The following FRMPD4 variants were observed in gnomAD, a reference collection of about 807,000 sequenced individuals.
FRMPD4 encodes FERM and PDZ domain-containing protein 4.
In FRMPD4, 22 loss-of-function variants were observed where a neutral mutation model predicts 94.1. That is an observed-to-expected ratio of 0.23 (90% CI 0.17 to 0.33). The LOEUF is 0.33. FRMPD4 is among the 10% of genes least tolerant of loss of function. The pLI, the probability that FRMPD4 is intolerant of heterozygous loss-of-function variation, is 1.00. For synonymous variants in FRMPD4, 631 were observed against 548.6 expected (o/e 1.15, Z -2.10); for missense variants, 1,111 against 1,339.9 (o/e 0.83, Z 2.67).
At chrX:12,445,127 A>C (rs1445459476) in intron 1 of FRMPD4, among the ~76,000 whole-genome samples, 1 of 111,981 alleles carries the variant, frequency 8.9e-6, no homozygotes, top group East Asian at 2.8e-4. Context: ...TGCAATGGCC[A>C]CTGCATTAGT....
At chrX:12,522,023 T>C (rs1271035497) in intron 2 of FRMPD4, among the ~76,000 whole-genome samples, 4 of 111,046 alleles carry the variant, frequency 3.6e-5, no homozygotes, top group African/African-American at 1.3e-4. Flanking sequence ...ATTATTTGGT[T>C]AAATGTATTT....
intron 8 of FRMPD4, among the ~76,000 whole-genome samples, chrX:12,691,297 T>TGTTTTG (rs879596642): frequency 2.9e-4 from 32 of 110,709 alleles, no homozygotes; most frequent in African/African-American, 1.0e-3. Flanking sequence ...TGTTTTGTTT[T>TGTTTTG]TTTGAGACAG....
intron 3 of FRMPD4, among the ~76,000 whole-genome samples, chrX:12,053,430 G>GAA (rs1216485129): frequency 1.4e-4 from 12 of 83,586 alleles, no homozygotes; most frequent in South Asian, 1.1e-3. Flanking sequence ...AAGAAAGAAA[G>GAA]AGAAAGAAAG....
intron 2 of FRMPD4, among the ~76,000 whole-genome samples, chrX:12,542,882 T>C (rs1397848215): frequency 8.9e-6 from 1 of 111,879 alleles, no homozygotes; most frequent in Non-Finnish European, 1.9e-5. Context: ...TACTGGTATC[T>C]AAACAGAGAT....
At chrX:12,651,047 G>A (rs746072345) in intron 4 of FRMPD4, among the ~76,000 whole-genome samples, 46 of 112,764 alleles carry the variant, frequency 4.1e-4, no homozygotes, top group Non-Finnish European at 6.6e-4. Flanking sequence ...ATCTCTGTGT[G>A]TGCTAAAAAC....
chrX:11,916,145 A>G (rs2054023610), intron 3 of FRMPD4, among the ~76,000 whole-genome samples: 1 of 110,939 alleles, frequency 9.0e-6, no homozygotes, highest in Non-Finnish European at 1.9e-5. Context: ...TATTCCAGGC[A>G]TGTGGAACAG....
chrX:12,619,369 A>G (rs932920619), intron 4 of FRMPD4, among the ~76,000 whole-genome samples: 9 of 111,853 alleles, frequency 8.0e-5, no homozygotes, highest in African/African-American at 2.9e-4. Context: ...TGACATTAAC[A>G]AGGTGGCAAA....
At chrX:11,995,037 A>G (rs1792490620) in intron 3 of FRMPD4, among the ~76,000 whole-genome samples, 1 of 110,101 alleles carries the variant, frequency 9.1e-6, no homozygotes, top group African/African-American at 3.3e-5. Flanking sequence ...TAAGGCTCTA[A>G]AATACTTGCA....
intron 3 of FRMPD4, among the ~76,000 whole-genome samples, chrX:11,948,538 A>G (rs1330539464): frequency 9.0e-6 from 1 of 111,458 alleles, no homozygotes; most frequent in Non-Finnish European, 1.9e-5. Context: ...AGCCCAAGAT[A>G]ACTGAGACAT....
intron 3 of FRMPD4, among the ~76,000 whole-genome samples, chrX:12,019,393 G>GTC (rs201730250): frequency 0.061 from 6,537 of 107,799 alleles, 252 homozygotes; most frequent in East Asian, 0.23. Context: ...TCTAACCAGT[G>GTC]TCTCTCTCTC....
Position 12,012,718 on chromosome X carries a change from T to TC in FRMPD4, c.95+134700_95+134701insC, listed in dbSNP as rs2054587141. ...TGTCTTACTGTAGTAGGAAACATGC[T>TC]GTCTCTTGGGAGAAGAACTATATAA... is the stretch of plus-strand genomic sequence containing the variant. On this transcript the variant is annotated intron_variant, in intron 3 of 18. Coordinates refer to the FRMPD4 transcript ENST00000640291. Among the ~76,000 whole-genome samples, 4 of 112,694 alleles carry TC rather than the reference T, an allele frequency of 3.5e-5. No individual in the cohort carries two copies. In the Admixed American group the frequency reaches 3.8e-4, roughly 11 times the overall value.
intron 1 of FRMPD4, among the ~76,000 whole-genome samples, chrX:12,484,481 C>T (rs16986906): frequency 8.9e-6 from 1 of 112,178 alleles, no homozygotes; most frequent in African/African-American, 3.2e-5. Context: ...TATGGAGCCT[C>T]TTGCAAAATC....
At chrX:12,562,679 G>T (rs1274597813) in intron 2 of FRMPD4, among the ~76,000 whole-genome samples, 6 of 112,774 alleles carry the variant, frequency 5.3e-5, no homozygotes, top group African/African-American at 1.9e-4. Context: ...AACTGCCCTT[G>T]CATGCTGAGA....
In FRMPD4 at chrX:12,175,921, A is replaced by G. The variant is rs2056288811; in HGVS notation, c.41+36909A>G. On this transcript the variant is annotated intron_variant, in intron 1 of 16. Coordinates refer to ENST00000675598, the MANE Select transcript of FRMPD4 (RefSeq NM_001368397.1). ...TCAAACTTAGTTTCACATTGAAACC[A>G]TCTGAGGAGTATTTAAGAATACAGA... 2.7e-5 allele frequency among the ~76,000 whole-genome samples: 3 copies of G among 112,226 alleles called. No individual in the cohort carries two copies. The Admixed American group carries it at 2.8e-4, about 11-fold the overall frequency.
rs569469931 is a variant in FRMPD4 at position 12,320,978 on chromosome X, G to T, written c.42-177702G>T. On this transcript the variant is annotated intron_variant, in intron 1 of 16. Coordinates refer to ENST00000675598, the MANE Select transcript of FRMPD4 (RefSeq NM_001368397.1). ...TTCATGACACTGACCCCAAGGCAAA[G>T]CTAGACTCAGTTATCAAACAAGATT... 2.9e-4 allele frequency among the ~76,000 whole-genome samples: 32 copies of T among 112,264 alleles called. No homozygotes were observed. The South Asian group carries it at 0.01, about 37-fold the overall frequency.
At position 12,716,219 on chromosome X, in the gene FRMPD4, T is replaced by C. The variant is rs764448761; in HGVS notation, c.1760T>C (p.Met587Thr). ...ACGGTGGAGATCACAGACAGCACCA[T>C]GTGTCCAAAAGAGCACCGGCACTTG... Reference protein sequence around the residue: ...QKTVEITDSTMCPKEHRHLYI... With the variant: ...QKTVEITDSTTCPKEHRHLYI... The change falls in exon 15 of 17, where the codon ATG becomes ACG. Residue 587 changes from methionine to threonine, a missense_variant. By Grantham distance (81) the Met-to-Thr change is moderately conservative. Around this residue, in one of 8 missense-constraint regions of FRMPD4, gnomAD observed 192 missense variants for 192.5 expected, o/e 1.00. Coordinates refer to ENST00000675598, the MANE Select transcript of FRMPD4 (RefSeq NM_001368397.1). 11 of 1,207,658 alleles carry C rather than the reference T, an allele frequency of 9.1e-6. No homozygotes were observed. The East Asian group carries it at 2.1e-4, about 23-fold the overall frequency.
intron 1 of FRMPD4, among the ~76,000 whole-genome samples, chrX:12,264,840 G>A (rs1265729126): frequency 8.9e-6 from 1 of 112,107 alleles, no homozygotes; most frequent in Non-Finnish European, 1.9e-5. Flanking sequence ...TTATGGGGTT[G>A]GGTTGTATTA....
chrX:12,163,083 T>A (rs1216313117), intron 1 of FRMPD4, among the ~76,000 whole-genome samples: 1 of 110,628 alleles, frequency 9.0e-6, no homozygotes, highest in East Asian at 2.9e-4. Context: ...GAGGGCACAA[T>A]TTTTATGTAC....
intron 1 of FRMPD4, among the ~76,000 whole-genome samples, chrX:12,429,633 A>G (rs2148104717): frequency 8.9e-6 from 1 of 112,232 alleles, no homozygotes; most frequent in African/African-American, 3.2e-5. Context: ...GTTTTTACAT[A>G]GTTTTCAAAG....
Sources: allele counts gnomAD v4.1 joint callset (sites outside exome capture counted in the v4.1 genomes callset), GRCh38; gene constraint gnomAD v4.1.1; regional missense constraint gnomAD v4.1.1; transcripts MANE v1.5; gene names NCBI Gene and HGNC (gene_info 2026-07-23, HGNC 2026-07-21).